Variants in CAMKMT observed in about 807,000 individuals in gnomAD.
The protein encoded by CAMKMT is CaM KMT.
CAMKMT carries 53 observed loss-of-function variants against 48.0 expected under a neutral mutation model. The ratio of observed to expected loss-of-function variants is 1.10; its 90% CI spans 0.89 to 1.39. The LOEUF is 1.39. Ranked by LOEUF, CAMKMT falls within the 40% of genes most tolerant of loss-of-function variation. The probability of loss-of-function intolerance (pLI) is 0.00; values close to 1 mark genes in which losing one functional copy is unlikely to be tolerated. For missense variants in CAMKMT, 428 were observed against 402.7 expected (o/e 1.06, Z -0.54); for synonymous variants, 165 against 152.3 (o/e 1.08, Z -0.61).
Position 44,550,341 on chromosome 2 carries a change from G to C in CAMKMT, c.377-153942G>C, listed in dbSNP as rs553024499. 9.9e-5 allele frequency among the ~76,000 whole-genome samples: 15 copies of C among 151,752 alleles called. No homozygotes were observed. In the East Asian group the frequency reaches 2.5e-3, roughly 26 times the overall value. On this transcript the variant is annotated intron_variant, in intron 3 of 10. Coordinates refer to ENST00000378494, the MANE Select transcript of CAMKMT (RefSeq NM_024766.5). ...AGAGGTTGAGGATTCAGTGACCTAT[G>C]GTAGTGCCACTGCACTCCAGCCTGG...
intron 3 of CAMKMT, chr2:44,457,374 ATTTC>A (rs1421789826): frequency 6.7e-6 from 1 of 148,800 alleles, no homozygotes; most frequent in Non-Finnish European, 1.5e-5. Context: ...CTTAAGTCAT[ATTTC>A]TTTCTTTTTA....
intron 1 of CAMKMT, among the ~76,000 whole-genome samples, chr2:44,366,321 G>A (rs1365766660): frequency 6.6e-6 from 1 of 152,178 alleles, no homozygotes; most frequent in African/African-American, 2.4e-5. Flanking sequence ...TCTAAGTCTT[G>A]ATCCAGTCCT....
intron 3 of CAMKMT, among the ~76,000 whole-genome samples, chr2:44,662,177 C>T (rs1384767503): frequency 6.6e-6 from 1 of 152,216 alleles, no homozygotes; most frequent in Non-Finnish European, 1.5e-5. Flanking sequence ...TTCTCATCTC[C>T]AGCCTCAGCT....
intron 3 of CAMKMT, among the ~76,000 whole-genome samples, chr2:44,417,270 C>T (rs1174575449): frequency 6.6e-6 from 1 of 152,074 alleles, no homozygotes; most frequent in East Asian, 1.9e-4. Flanking sequence ...TAGTGCACAC[C>T]TGTAATCCCA....
intron 5 of CAMKMT, among the ~76,000 whole-genome samples, chr2:44,706,967 G>A (rs528990170): frequency 5.9e-5 from 9 of 152,010 alleles, no homozygotes; most frequent in East Asian, 1.9e-4. Context: ...CCCAATGTGC[G>A]AGCATGTCAA....
At chr2:44,503,399 A>C (rs1376794047) in intron 3 of CAMKMT, among the ~76,000 whole-genome samples, 2 of 152,178 alleles carry the variant, frequency 1.3e-5, no homozygotes, top group African/African-American at 2.4e-5. Context: ...TCAGATAACC[A>C]CATATGACAC....
intron 3 of CAMKMT, 50 bp downstream of exon 3, chr2:44,390,355 G>T: frequency 7.6e-7 from 1 of 1,320,282 alleles, no homozygotes; most frequent in South Asian, 1.3e-5. Flanking sequence ...TTTACAAAGT[G>T]AATTTATAGT....
intron 3 of CAMKMT, among the ~76,000 whole-genome samples, chr2:44,703,351 G>A (rs925689282): frequency 3.3e-4 from 50 of 152,164 alleles, no homozygotes; most frequent in African/African-American, 1.2e-3. Flanking sequence ...GTGATTTATG[G>A]ATGACAATTT....
chr2:44,490,275 C>G (rs1246650034), intron 3 of CAMKMT, among the ~76,000 whole-genome samples: 3 of 151,568 alleles, frequency 2.0e-5, no homozygotes, highest in Non-Finnish European at 4.4e-5. Context: ...CTTTTTCTTT[C>G]TTTCTTTCTT....
intron 2 of CAMKMT, among the ~76,000 whole-genome samples, chr2:44,389,410 A>T (rs941153029): frequency 2.6e-5 from 4 of 152,226 alleles, no homozygotes; most frequent in Non-Finnish European, 5.9e-5. Flanking sequence ...TATATCACTT[A>T]TGACAAGTTT....
At chr2:44,667,133 T>C (rs998020464) in intron 3 of CAMKMT, among the ~76,000 whole-genome samples, 2 of 152,238 alleles carry the variant, frequency 1.3e-5, no homozygotes, top group South Asian at 2.1e-4. Flanking sequence ...GCTTGTGTTC[T>C]TGGAAAGAGA....
At chr2:44,747,262 G>C (rs72870556) in intron 8 of CAMKMT, among the ~76,000 whole-genome samples, 3,094 of 152,230 alleles carry the variant, frequency 0.02, 94 homozygotes, top group African/African-American at 0.069. Context: ...GATGAAAAAT[G>C]TTTGATTTTT....
intron 3 of CAMKMT, among the ~76,000 whole-genome samples, chr2:44,693,651 C>G (rs921355836): frequency 5.3e-5 from 8 of 152,182 alleles, no homozygotes; most frequent in African/African-American, 1.7e-4. Flanking sequence ...TTCTGTAGTC[C>G]TCTTGTGGAT....
chr2:44,493,963 C>T (rs1306530372), intron 3 of CAMKMT, among the ~76,000 whole-genome samples: 1 of 152,058 alleles, frequency 6.6e-6, no homozygotes, highest in Non-Finnish European at 1.5e-5. Context: ...GATTTTAAAC[C>T]ACTTAGTAAT....
intron 3 of CAMKMT, among the ~76,000 whole-genome samples, chr2:44,465,073 T>C (rs1171608108): frequency 6.6e-6 from 1 of 152,134 alleles, no homozygotes; most frequent in Admixed American, 6.5e-5. Flanking sequence ...TAGCTAACTA[T>C]AAAACTATGT....
At chr2:44,585,159 T>C (rs190208073) in intron 3 of CAMKMT, among the ~76,000 whole-genome samples, 213 of 152,304 alleles carry the variant, frequency 1.4e-3, no homozygotes, top group African/African-American at 4.8e-3. Flanking sequence ...CCAGTCAAGT[T>C]AATTTTGATA....
chr2:44,394,979 C>T (rs966270882), intron 3 of CAMKMT: 1 of 451,244 alleles, frequency 2.2e-6, no homozygotes, highest in African/African-American at 2.0e-5. Flanking sequence ...GGCAATATAG[C>T]AAGACTTTTC....
chr2:44,481,174 C>G (rs763779703), intron 3 of CAMKMT, among the ~76,000 whole-genome samples: 22 of 151,992 alleles, frequency 1.4e-4, no homozygotes, highest in Non-Finnish European at 2.7e-4. Context: ...CTCACATGCT[C>G]TTAGTAATTA....
chr2:44,527,793 C>CCA (rs1260465968), intron 3 of CAMKMT, among the ~76,000 whole-genome samples: 4 of 136,262 alleles, frequency 2.9e-5, no homozygotes, highest in African/African-American at 8.0e-5. Flanking sequence ...CAGCCCCCCC[C>CCA]CCCATTATCA....
Sources: allele counts gnomAD v4.1 joint callset (sites outside exome capture counted in the v4.1 genomes callset), GRCh38; gene constraint gnomAD v4.1.1; transcripts MANE v1.5; gene names NCBI Gene and HGNC (gene_info 2026-07-23, HGNC 2026-07-21).